KIAA1328: variants seen among roughly 807,000 people sequenced by gnomAD.
The protein encoded by KIAA1328 is protein hinderin.
KIAA1328 carries 52 observed loss-of-function variants against 68.1 expected under a neutral mutation model. The ratio of observed to expected loss-of-function variants is 0.76; its 90% CI spans 0.61 to 0.96. The LOEUF (loss-of-function observed/expected upper bound fraction) is 0.96, where lower values mean the gene tolerates loss of function less well. Among genes scored for constraint, KIAA1328 ranks in the 40% least tolerant of loss-of-function variants. KIAA1328 has a pLI of 0.00. For missense variants in KIAA1328, 641 were observed against 677.6 expected (o/e 0.95, Z 0.60); for synonymous variants, 232 against 239.4 (o/e 0.97, Z 0.28).
In KIAA1328 at chr18:37,086,326, A is replaced by C. The variant is rs1048775803; in HGVS notation, c.1232+18781A>C. Among the ~76,000 whole-genome samples, 8 of 152,348 alleles carry C rather than the reference A, an allele frequency of 5.3e-5. No individual in the cohort carries two copies. The East Asian group carries it at 1.5e-3, about 29-fold the overall frequency. ...CAATGAATACATACAGTATATCAAA[A>C]CATCACTTTGTATACAATAAATATA... On this transcript the variant is annotated intron_variant, in intron 7 of 9. Transcript: ENST00000280020.
intron 6 of KIAA1328, among the ~76,000 whole-genome samples, chr18:37,022,033 C>T (rs2054366798): frequency 6.6e-6 from 1 of 151,822 alleles, no homozygotes; most frequent in Non-Finnish European, 1.5e-5. Flanking sequence ...GAGTGAGACT[C>T]TGTCTCATAA....
At chr18:36,940,676 T>G (rs1036796020) in intron 5 of KIAA1328, among the ~76,000 whole-genome samples, 1 of 117,168 alleles carries the variant, frequency 8.5e-6, no homozygotes, top group Non-Finnish European at 2.0e-5. Flanking sequence ...TCATTTTACT[T>G]TTTTTTTTTT....
chr18:37,173,692 C>T (rs1277908194), intron 9 of KIAA1328, among the ~76,000 whole-genome samples: 5 of 152,088 alleles, frequency 3.3e-5, no homozygotes, highest in Admixed American at 2.6e-4. Flanking sequence ...GCAGCTTATC[C>T]GATGAATTGA....
downstream of KIAA1328, among the ~76,000 whole-genome samples, chr18:37,227,151 G>C (rs763346557): frequency 6.6e-6 from 1 of 152,218 alleles, no homozygotes; most frequent in African/African-American, 2.4e-5. Context: ...TTCTATGAAG[G>C]CTGAGAGAGA....
At chr18:37,179,265 T>A (rs551339301) in intron 9 of KIAA1328, among the ~76,000 whole-genome samples, 2 of 152,196 alleles carry the variant, frequency 1.3e-5, no homozygotes, top group African/African-American at 4.8e-5. Flanking sequence ...AGATAGGGAG[T>A]CTAGTTTCAC....
intron 6 of KIAA1328, among the ~76,000 whole-genome samples, chr18:36,998,008 G>A (rs952364632): frequency 1.3e-5 from 2 of 152,194 alleles, no homozygotes; most frequent in African/African-American, 4.8e-5. Context: ...AGAAGCTTCA[G>A]TGTGGCTCCT....
intron 9 of KIAA1328, among the ~76,000 whole-genome samples, chr18:37,221,108 T>C (rs1434692710): frequency 1.3e-5 from 2 of 152,206 alleles, no homozygotes; most frequent in Admixed American, 1.3e-4. Context: ...ATTACAGGCA[T>C]GAACCACCTC....
intron 6 of KIAA1328, among the ~76,000 whole-genome samples, chr18:37,028,776 A>G (rs2054701138): frequency 6.6e-6 from 1 of 152,086 alleles, no homozygotes; most frequent in African/African-American, 2.4e-5. Context: ...TAATGAGGTG[A>G]TCATGTGGTT....
intron 6 of KIAA1328, among the ~76,000 whole-genome samples, chr18:36,981,157 A>G (rs186225252): frequency 2.0e-5 from 3 of 152,314 alleles, no homozygotes; most frequent in African/African-American, 2.4e-5. Context: ...TTCATAATTT[A>G]TAGGGCATTG....
downstream of KIAA1328, chr18:37,230,798 TC>T (rs1353711141): frequency 1.3e-5 from 2 of 152,178 alleles, no homozygotes; most frequent in African/African-American, 4.8e-5. Context: ...TCCTCCCGCT[TC>T]AGTCCTATCT....
At chr18:37,116,795 G>C (rs1053610419) in intron 7 of KIAA1328, among the ~76,000 whole-genome samples, 1 of 152,094 alleles carries the variant, frequency 6.6e-6, no homozygotes, top group Non-Finnish European at 1.5e-5. Context: ...AATCTACAAA[G>C]AACTTAAACA....
chr18:37,211,434 G>T (rs1022059949), intron 9 of KIAA1328, among the ~76,000 whole-genome samples: 5 of 152,164 alleles, frequency 3.3e-5, no homozygotes, highest in African/African-American at 4.8e-5. Context: ...CTGGAGAGAC[G>T]TAACTGGGTT....
intron 6 of KIAA1328, among the ~76,000 whole-genome samples, chr18:36,985,079 A>G (rs1316932297): frequency 6.6e-6 from 1 of 152,062 alleles, no homozygotes; most frequent in Non-Finnish European, 1.5e-5. Flanking sequence ...AGGCAGGAGG[A>G]TTACTTGAGG....
At chr18:37,060,062 A>T (rs948299726) in intron 6 of KIAA1328, among the ~76,000 whole-genome samples, 4 of 152,084 alleles carry the variant, frequency 2.6e-5, no homozygotes, top group African/African-American at 9.7e-5. Context: ...AATGTAGATG[A>T]TGGGTTGATG....
chr18:37,116,154 A>G (rs943067713), intron 7 of KIAA1328, among the ~76,000 whole-genome samples: 27 of 151,606 alleles, frequency 1.8e-4, no homozygotes, highest in African/African-American at 6.6e-4. Context: ...GAATTGGAAA[A>G]AACTACTTTA....
chr18:37,005,923 A>G (rs2053764927), intron 6 of KIAA1328, among the ~76,000 whole-genome samples: 1 of 152,086 alleles, frequency 6.6e-6, no homozygotes, highest in South Asian at 2.1e-4. Context: ...GGAAGTAGAG[A>G]GCAGAAGGAT....
At chr18:37,136,009 A>G (rs1024938033) in intron 7 of KIAA1328, among the ~76,000 whole-genome samples, 3 of 152,106 alleles carry the variant, frequency 2.0e-5, no homozygotes, top group Non-Finnish European at 2.9e-5. Flanking sequence ...CCATTGGTCT[A>G]TGTGTCTGTT....
chr18:37,192,441 G>A (rs2059924730), intron 9 of KIAA1328, among the ~76,000 whole-genome samples: 1 of 152,126 alleles, frequency 6.6e-6, no homozygotes, highest in African/African-American at 2.4e-5. Context: ...ATATCCATAT[G>A]CACCCTGAAC....
rs1479211982 is a variant in KIAA1328, at chr18:37,084,367, A to G, written c.1232+16822A>G. On this transcript the variant is annotated intron_variant, in intron 7 of 9. Transcript: ENST00000280020. Reference sequence around the variant, plus strand: ...TGAATACGTACATTCCTGTTATACAATTTTGAAAAATATAGAAAAATATGA... The same window carrying G: ...TGAATACGTACATTCCTGTTATACAGTTTTGAAAAATATAGAAAAATATGA... 7 of 402,094 alleles carry G rather than the reference A, an allele frequency of 1.7e-5. No homozygotes were observed. In the East Asian group the frequency reaches 2.2e-4, roughly 13 times the overall value. 24.9% of individuals were successfully genotyped at this position (402,094 alleles called of 1,614,324 possible). A position where few individuals can be genotyped will look rare whatever the true frequency, so the allele number is the denominator to read the frequency against.
Sources: gnomAD v4.1 joint callset for allele counts (sites outside exome capture counted in the v4.1 genomes callset) on GRCh38, gnomAD v4.1.1 for gene constraint, MANE v1.5 for transcripts, NCBI Gene and HGNC (gene_info 2026-07-23, HGNC 2026-07-21) for gene names.